Variants in CTNNA2 observed in about 807,000 individuals in gnomAD.
CTNNA2 encodes the protein catenin alpha-2.
In CTNNA2, 42 loss-of-function variants were observed where a neutral mutation model predicts 101.0. That is an observed-to-expected ratio of 0.42 (90% CI 0.32 to 0.54). The LOEUF (loss-of-function observed/expected upper bound fraction) is 0.54. Ranked by LOEUF, CTNNA2 falls within the 20% of genes least tolerant of loss-of-function variation. The pLI is 0.14. For missense variants in CTNNA2, 871 were observed against 1,223.1 expected (o/e 0.71, Z 4.29); for synonymous variants, 450 against 456.4 (o/e 0.99, Z 0.18).
At chr2:79,392,463 A>G (rs956702558) in intron 4 of CTNNA2, among the ~76,000 whole-genome samples, 4 of 152,162 alleles carry the variant, frequency 2.6e-5, no homozygotes, top group East Asian at 1.9e-4. Flanking sequence ...TTTTTGAATC[A>G]CTATTTTAGT....
intron 7 of CTNNA2, among the ~76,000 whole-genome samples, chr2:80,152,436 G>A (rs1482395602): frequency 6.6e-6 from 1 of 152,018 alleles, no homozygotes; most frequent in Non-Finnish European, 1.5e-5. Context: ...GCAGGGGTTG[G>A]TTCTCATTAT....
At position 79,865,043 on chromosome 2, in the gene CTNNA2, A is replaced by G. The variant is rs115340359; in HGVS notation, c.466-4773A>G. On this transcript the variant is annotated intron_variant, in intron 4 of 18. Coordinates refer to ENST00000402739, the MANE Select transcript of CTNNA2 (RefSeq NM_001282597.3). The stretch of plus-strand genomic sequence containing the variant: ...GTACAAACTGAAAATAACTTTGGAA[A>G]TATATAATAAACTAAATTGTTGTGC... Among the ~76,000 whole-genome samples the G allele has an allele frequency of 6.9e-3, 1,055 of 152,324 alleles. 13 individuals are homozygous for G. The highest frequency in any genetic ancestry group is 0.023 in the African/African-American group (954 of 41,576).
At chr2:79,776,275 TTAAA>T (rs1353422075) in intron 3 of CTNNA2, among the ~76,000 whole-genome samples, 1 of 152,146 alleles carries the variant, frequency 6.6e-6, no homozygotes, top group African/African-American at 2.4e-5. Flanking sequence ...GAATTTTTTT[TTAAA>T]TAAATAATGA....
intron 5 of CTNNA2, among the ~76,000 whole-genome samples, chr2:79,870,975 A>AG (rs1171469281): frequency 6.6e-6 from 1 of 152,188 alleles, no homozygotes; most frequent in Non-Finnish European, 1.5e-5. Context: ...GGGATTTCTC[A>AG]GTTTCAGCTA....
chr2:80,397,483 A>C (rs1035764770), intron 8 of CTNNA2, among the ~76,000 whole-genome samples: 4 of 152,118 alleles, frequency 2.6e-5, no homozygotes, highest in Admixed American at 1.3e-4. Context: ...GAAGGAGGTA[A>C]ATGAATCATG....
chr2:80,498,052 C>A lies in CTNNA2; in HGVS notation c.1291-46930C>A, dbSNP rs1229964940. On this transcript the variant is annotated intron_variant, in intron 9 of 18. Coordinates refer to ENST00000402739, the MANE Select transcript of CTNNA2 (RefSeq NM_001282597.3). The stretch of plus-strand genomic sequence containing the variant: ...CCTATATTTCTATTTATTTGTTATG[C>A]AACAATAAAAAATGAATACAATTCC... Among the ~76,000 whole-genome samples, 3 of 151,816 alleles carry A rather than the reference C, an allele frequency of 2.0e-5. No homozygotes were observed. The East Asian group carries it at 5.8e-4, about 30-fold the overall frequency.
At chr2:79,692,345 G>T (rs1684358823) in intron 2 of CTNNA2, among the ~76,000 whole-genome samples, 1 of 152,128 alleles carries the variant, frequency 6.6e-6, no homozygotes, top group African/African-American at 2.4e-5. Flanking sequence ...AGTTAGAATG[G>T]TGATCATTAA....
At chr2:80,051,074 C>T (rs1185173828) in intron 7 of CTNNA2, among the ~76,000 whole-genome samples, 4 of 151,828 alleles carry the variant, frequency 2.6e-5, no homozygotes, top group African/African-American at 7.3e-5. Flanking sequence ...TTTATGAGGG[C>T]GGTATAATGT....
chr2:80,273,207 A>G (rs1480931790), intron 7 of CTNNA2, among the ~76,000 whole-genome samples: 5 of 152,144 alleles, frequency 3.3e-5, no homozygotes, highest in Admixed American at 3.3e-4. Context: ...AGGGGAGAAG[A>G]AGGTTGAAAC....
Position 80,203,752 on chromosome 2 carries a change from G to A in CTNNA2, c.1057-189459G>A, listed in dbSNP as rs149245199. On this transcript the variant is annotated intron_variant, in intron 7 of 18. Coordinates refer to ENST00000402739, the MANE Select transcript of CTNNA2 (RefSeq NM_001282597.3). ...CCCTCTTCTCACAGCTCCACTAGGT[G>A]GTGCCCCAGTAGGGACTCTGTGTGG... Among the ~76,000 whole-genome samples, 700 of 152,320 alleles carry A rather than the reference G, an allele frequency of 4.6e-3. 4 individuals are homozygous for A. The highest frequency in any genetic ancestry group is 0.016 in the African/African-American group (660 of 41,576).
chr2:79,741,385 C>T (rs1044057962), intron 2 of CTNNA2, among the ~76,000 whole-genome samples: 6 of 150,440 alleles, frequency 4.0e-5, no homozygotes, highest in Admixed American at 2.0e-4. Flanking sequence ...AGAACTGATC[C>T]GAGTGAGAGA....
intron 7 of CTNNA2, among the ~76,000 whole-genome samples, chr2:80,022,350 A>G (rs528963170): frequency 6.6e-6 from 1 of 152,346 alleles, no homozygotes; most frequent in South Asian, 2.1e-4. Context: ...CATTATTCAA[A>G]TAACCCCACA....
intron 8 of CTNNA2, 108 bp downstream of exon 8, chr2:80,393,399 T>TAAAGA: frequency 1.3e-6 from 1 of 784,792 alleles, no homozygotes; most frequent in Non-Finnish European, 2.1e-6. Context: ...TGTTATTCTT[T>TAAAGA]ATAACATTTA....
chr2:79,982,204 A>ATATATATATATATATATC, intron 7 of CTNNA2, among the ~76,000 whole-genome samples: 1 of 26,970 alleles, frequency 3.7e-5, no homozygotes, highest in East Asian at 1.1e-3. Context: ...ATATATATAT[A>ATATATATATATATATATC]TATATATATA....
At chr2:80,330,343 C>T (rs540198439) in intron 7 of CTNNA2, among the ~76,000 whole-genome samples, 1 of 152,294 alleles carries the variant, frequency 6.6e-6, no homozygotes, top group South Asian at 2.1e-4. Flanking sequence ...AAGGCAGAGG[C>T]CATGCCCACA....
rs139919290 is a variant in CTNNA2, at chr2:80,420,346, A to G, written c.1290+745A>G. Among the ~76,000 whole-genome samples the G allele has an allele frequency of 3.6e-3, 545 of 152,230 alleles. 2 individuals carry two copies. The highest frequency in any genetic ancestry group is 0.013 in the African/African-American group (532 of 41,538). On this transcript the variant is annotated intron_variant, in intron 9 of 18. Coordinates refer to ENST00000402739, the MANE Select transcript of CTNNA2 (RefSeq NM_001282597.3). ...AAATAGAGTTGTTGCACAACAAAAT[A>G]TGTGTGCTAGAGAACAAGAGCCCAG... is the stretch of plus-strand genomic sequence containing the variant.
At chr2:80,357,801 C>A (rs1673985510) in intron 7 of CTNNA2, among the ~76,000 whole-genome samples, 1 of 152,160 alleles carries the variant, frequency 6.6e-6, no homozygotes, top group African/African-American at 2.4e-5. Context: ...ATAATACCAT[C>A]AGATACTTAC....
At chr2:80,197,008 C>T (rs1365660453) in intron 7 of CTNNA2, among the ~76,000 whole-genome samples, 2 of 152,160 alleles carry the variant, frequency 1.3e-5, no homozygotes, top group Non-Finnish European at 2.9e-5. Flanking sequence ...ATTGCATGCA[C>T]GTACTATTTT....
At chr2:80,424,236 G>C (rs529107355) in intron 9 of CTNNA2, among the ~76,000 whole-genome samples, 1 of 152,150 alleles carries the variant, frequency 6.6e-6, no homozygotes. Context: ...TTACAGGCGT[G>C]AGCCACCGTG....
Sources: gnomAD v4.1 joint callset for allele counts (sites outside exome capture counted in the v4.1 genomes callset) on GRCh38, gnomAD v4.1.1 for gene constraint, MANE v1.5 for transcripts, NCBI Gene and HGNC (gene_info 2026-07-23, HGNC 2026-07-21) for gene names.